Variants in SLC39A10 observed in about 807,000 individuals in gnomAD.
SLC39A10 encodes solute carrier family 39 member 10.
SLC39A10 carries 13 observed loss-of-function variants against 65.1 expected under a neutral mutation model. That is an observed-to-expected ratio of 0.20 (90% CI 0.13 to 0.32). The LOEUF (loss-of-function observed/expected upper bound fraction) is 0.32. Among genes scored for constraint, SLC39A10 ranks in the 10% least tolerant of loss-of-function variants. The pLI is 1.00. For synonymous variants in SLC39A10, 321 were observed against 342.2 expected (o/e 0.94, Z 0.68); for missense variants, 831 against 1,018.4 (o/e 0.82, Z 2.50).
rs116378391 is a variant in SLC39A10 at position 195,717,913 on chromosome 2, A to G, written c.2066-339A>G. ...AGATCAATGTGAGAGAGCAAGTACA[A>G]TCTTAGACTTATAAGACTTAAAGTT... On this transcript the variant is annotated intron_variant, in intron 7 of 9. Transcript: ENST00000359634. 4.7e-3 allele frequency among the ~76,000 whole-genome samples: 714 copies of G among 152,312 alleles called. 3 individuals carry two copies. The highest frequency in any genetic ancestry group is 0.016 in the African/African-American group (666 of 41,576).
intron 2 of SLC39A10, among the ~76,000 whole-genome samples, chr2:195,627,229 CAG>C (rs1688492182): frequency 6.6e-6 from 1 of 152,102 alleles, no homozygotes; most frequent in Non-Finnish European, 1.5e-5. Flanking sequence ...CATTTTGAAA[CAG>C]TAGTTCTAGA....
intron 1 of SLC39A10, chr2:195,657,614 G>GC (rs1553496813): frequency 3.0e-6 from 3 of 985,204 alleles, no homozygotes; most frequent in Non-Finnish European, 3.6e-6. Flanking sequence ...GTGGAGGTTG[G>GC]CGGAGCCTCG....
intron 2 of SLC39A10, among the ~76,000 whole-genome samples, chr2:195,623,888 A>T (rs940568948): frequency 7.2e-6 from 1 of 138,962 alleles, no homozygotes; most frequent in Non-Finnish European, 1.5e-5. Context: ...AATACAACCA[A>T]CTAAACAAAA....
At chr2:195,674,648 C>T (rs1690010979) in intron 1 of SLC39A10, 1 of 984,880 alleles carries the variant, frequency 1.0e-6, no homozygotes, top group Admixed American at 6.2e-5. Flanking sequence ...ATTGCCTCTC[C>T]CACATACAGT....
intron 9 of SLC39A10, 25 bp from the exon 10 acceptor site, chr2:195,734,858 T>G: frequency 6.3e-7 from 1 of 1,580,980 alleles, no homozygotes; most frequent in Non-Finnish European, 8.6e-7. Context: ...TATACAAAGT[T>G]TAATGTGAAG....
chr2:195,628,276 A>G (rs1264559013), intron 2 of SLC39A10, among the ~76,000 whole-genome samples: 1 of 152,228 alleles, frequency 6.6e-6, no homozygotes, highest in African/African-American at 2.4e-5. Flanking sequence ...TGGAGAGTGA[A>G]ACAGTAAACT....
At chr2:195,621,085 A>G (rs956485488) in intron 2 of SLC39A10, among the ~76,000 whole-genome samples, 5 of 152,190 alleles carry the variant, frequency 3.3e-5, no homozygotes, top group African/African-American at 9.6e-5. Flanking sequence ...ATTTATCTCA[A>G]ATTTATCTAA....
At chr2:195,708,061 C>T (rs1691470742) in intron 4 of SLC39A10, among the ~76,000 whole-genome samples, 3 of 151,990 alleles carry the variant, frequency 2.0e-5, no homozygotes, top group Admixed American at 6.6e-5. Context: ...GCTAACTTTC[C>T]ACAGTATATG....
chr2:195,723,158 T>G (rs1692109993), intron 8 of SLC39A10, among the ~76,000 whole-genome samples: 1 of 152,144 alleles, frequency 6.6e-6, no homozygotes, highest in Non-Finnish European at 1.5e-5. Context: ...ATGAAGAAAT[T>G]GAAAGCATTT....
At position 195,716,735 on chromosome 2, in the gene SLC39A10, A is replaced by G; in HGVS notation, c.1795A>G (p.Ile599Val). ...QESPPKNYLCIEEEKIIDHSH... is the reference protein window; with the variant it reads ...QESPPKNYLCVEEEKIIDHSH... ...ATCCCCTCCTAAAAATTACCTTTGT[A>G]TAGAAGAGGAGAAAATCATAGACCA... is the stretch of plus-strand genomic sequence containing the variant. Residue 599 changes from isoleucine to valine, a missense_variant, in exon 7 of 10, where the codon ATA becomes GTA. Around this residue, in one of 4 missense-constraint regions of SLC39A10, gnomAD observed 230 missense variants for 242.9 expected, o/e 0.95. Coordinates refer to ENST00000359634, the MANE Select transcript of SLC39A10 (RefSeq NM_020342.3). The G allele has an allele frequency of 6.2e-7, 1 of 1,614,212 alleles. No individual in the cohort carries two copies.
intron 3 of SLC39A10, among the ~76,000 whole-genome samples, chr2:195,687,641 T>TA (rs1284720028): frequency 6.6e-6 from 1 of 152,222 alleles, no homozygotes; most frequent in Non-Finnish European, 1.5e-5. Context: ...TAATAATTGT[T>TA]AGAGATAATG....
chr2:195,668,581 A>G lies in SLC39A10; in HGVS notation c.-12+11300A>G, dbSNP rs765491069. On this transcript the variant is annotated intron_variant, in intron 1 of 9. Coordinates refer to ENST00000359634, the MANE Select transcript of SLC39A10 (RefSeq NM_020342.3). ...TGTGTGCATGTGCACATGTGCATACACACATGGGTATGAAAGAAAGAATTG... is the reference window on the plus strand; with the variant it reads ...TGTGTGCATGTGCACATGTGCATACGCACATGGGTATGAAAGAAAGAATTG... Among the ~76,000 whole-genome samples, 113 of 152,374 alleles carry G rather than the reference A, an allele frequency of 7.4e-4. 1 individual carries two copies. The highest frequency in any genetic ancestry group is 4.0e-4 in the Non-Finnish European group (27 of 68,040).
rs538094771 is a variant in SLC39A10, at chr2:195,698,431, T to C, written c.1217-8185T>C. On this transcript the variant is annotated intron_variant, in intron 3 of 9. Coordinates refer to ENST00000359634, the MANE Select transcript of SLC39A10 (RefSeq NM_020342.3). Reference sequence around the variant, plus strand: ...AGAGGAAAGGCTTTGTCTTTCACCATTGAGTATGATGTTTACTGTAAGTTT... The same window carrying C: ...AGAGGAAAGGCTTTGTCTTTCACCACTGAGTATGATGTTTACTGTAAGTTT... 3.9e-5 allele frequency among the ~76,000 whole-genome samples: 6 copies of C among 152,246 alleles called. No homozygotes were observed. The South Asian group carries it at 8.3e-4, about 21-fold the overall frequency.
intron 1 of SLC39A10, among the ~76,000 whole-genome samples, chr2:195,668,807 G>GCA (rs1421432876): frequency 3.9e-5 from 6 of 152,088 alleles, no homozygotes; most frequent in African/African-American, 1.2e-4. Context: ...ACTGTCGCTC[G>GCA]CACCCAGCAC....
At chr2:195,717,669 C>T (rs1256040854) in intron 7 of SLC39A10, among the ~76,000 whole-genome samples, 6 of 152,082 alleles carry the variant, frequency 3.9e-5, no homozygotes, top group Admixed American at 2.0e-4. Context: ...ACCCTTCTGC[C>T]TCAGCCTCCC....
intron 3 of SLC39A10, among the ~76,000 whole-genome samples, chr2:195,695,875 C>A (rs1252921278): frequency 1.3e-5 from 2 of 152,110 alleles, no homozygotes; most frequent in African/African-American, 2.4e-5. Context: ...TGTTGTGAAG[C>A]TTTTGCCCAG....
chr2:195,635,895 A>G (rs1688688578), intron 2 of SLC39A10, among the ~76,000 whole-genome samples: 1 of 152,206 alleles, frequency 6.6e-6, no homozygotes, highest in African/African-American at 2.4e-5. Flanking sequence ...TTTACATGGT[A>G]TGATGAAATG....
At chr2:195,693,464 G>A (rs1299101043) in intron 3 of SLC39A10, among the ~76,000 whole-genome samples, 4 of 151,664 alleles carry the variant, frequency 2.6e-5, no homozygotes, top group African/African-American at 7.3e-5. Flanking sequence ...ACTTTTTTTT[G>A]TTGGCTGTTT....
At chr2:195,616,846 G>T (rs1217232081) in intron 2 of SLC39A10, among the ~76,000 whole-genome samples, 1 of 151,812 alleles carries the variant, frequency 6.6e-6, no homozygotes, top group East Asian at 1.9e-4. Context: ...CTCGTGATCC[G>T]CCCACCTCAG....
Sources: gnomAD v4.1 joint callset for allele counts (sites outside exome capture counted in the v4.1 genomes callset) on GRCh38, gnomAD v4.1.1 for gene constraint, gnomAD v4.1.1 regional missense constraint, MANE v1.5 for transcripts, NCBI Gene and HGNC (gene_info 2026-07-23, HGNC 2026-07-21) for gene names.